RSF1: variants seen among roughly 807,000 people sequenced by gnomAD.
The protein encoded by RSF1 is HBV pX-associated protein 8.
Under a neutral mutation model 145.2 loss-of-function variants are expected in RSF1, and 13 were observed. The ratio of observed to expected loss-of-function variants is 0.09; its 90% CI spans 0.06 to 0.14. RSF1 has a LOEUF of 0.14. RSF1 is among the 10% of genes least tolerant of loss of function. The pLI, the probability that RSF1 is intolerant of heterozygous loss-of-function variation, is 1.00. For missense variants in RSF1, 1,517 were observed against 1,718.2 expected (o/e 0.88, Z 2.07); for synonymous variants, 577 against 592.6 (o/e 0.97, Z 0.38).
the RSF1 span, chr11:77,866,496 T>C: frequency 6.6e-6 from 1 of 152,206 alleles, no homozygotes; most frequent in Non-Finnish European, 1.5e-5. Flanking sequence ...TTATCTTTCA[T>C]TGCTTTGTAC....
chr11:77,708,856 A>G (rs944888990), intron 5 of RSF1, among the ~76,000 whole-genome samples: 1 of 152,190 alleles, frequency 6.6e-6, no homozygotes, highest in South Asian at 2.1e-4. Context: ...TTTTTCTATG[A>G]AACAGACCAG....
the RSF1 span, among the ~76,000 whole-genome samples, chr11:77,845,322 T>C: frequency 3.3e-5 from 5 of 152,212 alleles, no homozygotes; most frequent in African/African-American, 1.2e-4. Flanking sequence ...CTGGATAATC[T>C]CAATTGACCT....
Position 77,701,854 on chromosome 11 carries a change from G to C in RSF1, c.1375C>G (p.Pro459Ala). The change falls in exon 6 of 16, where the codon CCA becomes GCA. Residue 459 changes from proline to alanine, a missense_variant. Pro to Ala is a conservative substitution (Grantham distance 27, BLOSUM62 -1). Coordinates refer to ENST00000308488, the MANE Select transcript of RSF1 (RefSeq NM_016578.4). ...GTCTCATAAAACTTTGTCTCTATTG[G>C]TTCTGTCTTAAAATTTGGAGCTACC... is the stretch of plus-strand genomic sequence containing the variant. Reference protein sequence around the residue: ...ERVAPNFKTEPIETKFYETKE... With the variant: ...ERVAPNFKTEAIETKFYETKE... 1 of 1,613,986 alleles carries C rather than the reference G, an allele frequency of 6.2e-7. No homozygotes were observed. Among genetic ancestry groups the C allele is most frequent in the East Asian group, 2.2e-5 (1 of 44,860 alleles).
intron 5 of RSF1, among the ~76,000 whole-genome samples, chr11:77,720,488 G>A (rs756327770): frequency 2.6e-5 from 4 of 152,030 alleles, no homozygotes; most frequent in Non-Finnish European, 5.9e-5. Flanking sequence ...CCTAAATTAA[G>A]ACAATGGATC....
In RSF1 at chr11:77,665,307, T is replaced by C. The variant is rs1042278827; in HGVS notation, c.*1610A>G. 1 of 152,290 alleles carries C rather than the reference T, an allele frequency of 6.6e-6. No homozygotes were observed. Among genetic ancestry groups the C allele is most frequent in the Non-Finnish European group, 1.5e-5 (1 of 68,040 alleles). The allele number at this position is 152,290 out of a possible 1,614,324, so 9.4% of individuals were successfully genotyped here. A position where few individuals can be genotyped will look rare whatever the true frequency, so the allele number is the denominator to read the frequency against. On this transcript the variant is annotated 3_prime_UTR_variant, in exon 16 of 16. Coordinates refer to ENST00000308488, the MANE Select transcript of RSF1 (RefSeq NM_016578.4). ...ACGTTCCTTGGGCCAGCAGCAGATA[T>C]GGTGTGTCCATTGCCGGCAACAGAC...
In RSF1 at chr11:77,712,746, C is replaced by T. The variant is rs1329402473; in HGVS notation, c.734-10251G>A. On this transcript the variant is annotated intron_variant, in intron 5 of 15. Transcript: ENST00000308488. ...GTTCACTTGCAGGGAAAAGCTGCCC[C>T]TTCACCTTTATTTATTTATTCAAAT... Among the ~76,000 whole-genome samples the T allele has an allele frequency of 7.9e-5, 12 of 152,284 alleles. 1 individual carries two copies. The East Asian group carries it at 2.3e-3, about 29-fold the overall frequency.
intron 4 of RSF1, chr11:77,734,852 G>A: frequency 2.5e-6 from 4 of 1,585,374 alleles, no homozygotes; most frequent in Non-Finnish European, 2.6e-6. Flanking sequence ...TCATGAGATT[G>A]GTGAAGAAAG....
chr11:77,750,299 C>G (rs1044037400), intron 2 of RSF1, among the ~76,000 whole-genome samples: 4 of 152,168 alleles, frequency 2.6e-5, no homozygotes, highest in Admixed American at 1.3e-4. Flanking sequence ...ATAATTTAGG[C>G]ACTATAGGCC....
intron 1 of RSF1, among the ~76,000 whole-genome samples, chr11:77,817,945 C>G (rs1210835424): frequency 1.3e-5 from 2 of 152,184 alleles, no homozygotes; most frequent in Non-Finnish European, 2.9e-5. Flanking sequence ...CATGGTTCAT[C>G]ATCAAAGTTC....
At chr11:77,691,101 G>T in intron 9 of RSF1, 58 bp downstream of exon 9, 1 of 1,470,960 alleles carries the variant, frequency 6.8e-7, no homozygotes. Flanking sequence ...TATCCATACA[G>T]TGAGACAATT....
chr11:77,808,295 G>T (rs930525299), intron 1 of RSF1, among the ~76,000 whole-genome samples: 4 of 151,974 alleles, frequency 2.6e-5, no homozygotes, highest in African/African-American at 9.7e-5. Context: ...TCATGCCACT[G>T]CACTGCAGCC....
chr11:77,806,518 A>AG (rs1341543923), intron 1 of RSF1, among the ~76,000 whole-genome samples: 2 of 152,002 alleles, frequency 1.3e-5, no homozygotes, highest in African/African-American at 4.8e-5. Flanking sequence ...CTATAAAAAA[A>AG]GATTTTTTTT....
intron 5 of RSF1, chr11:77,703,249 A>C (rs887317944): frequency 6.6e-6 from 1 of 152,158 alleles, no homozygotes; most frequent in Non-Finnish European, 1.5e-5. Context: ...TTATCTGTCA[A>C]TTCTTCTTTA....
intron 2 of RSF1, among the ~76,000 whole-genome samples, chr11:77,761,211 T>C (rs1230565669): frequency 6.6e-6 from 1 of 152,180 alleles, no homozygotes. Context: ...AGTGCTGGGA[T>C]TACAGGCGTG....
At chr11:77,714,432 C>G (rs1164883670) in intron 5 of RSF1, among the ~76,000 whole-genome samples, 1 of 152,210 alleles carries the variant, frequency 6.6e-6, no homozygotes, top group East Asian at 1.9e-4. Context: ...ACAACAAACT[C>G]AGAGCAAACC....
chr11:77,748,984 G>A (rs1357987086), intron 2 of RSF1, among the ~76,000 whole-genome samples: 2 of 152,174 alleles, frequency 1.3e-5, no homozygotes, highest in African/African-American at 4.8e-5. Context: ...AGCATAAAAA[G>A]AAATGAGGTA....
intron 9 of RSF1, among the ~76,000 whole-genome samples, chr11:77,686,519 G>A (rs922767818): frequency 3.3e-5 from 5 of 150,600 alleles, no homozygotes; most frequent in Non-Finnish European, 7.4e-5. Context: ...GAACTGAACT[G>A]AAATAGTAAT....
chr11:77,840,653 C>T, the RSF1 span, among the ~76,000 whole-genome samples: 1 of 152,290 alleles, frequency 6.6e-6, no homozygotes, highest in South Asian at 2.1e-4. Context: ...AAGTGAAATT[C>T]CCACCTTGGC....
intron 5 of RSF1, among the ~76,000 whole-genome samples, chr11:77,708,654 C>T (rs944836129): frequency 2.0e-5 from 3 of 152,160 alleles, no homozygotes; most frequent in Non-Finnish European, 4.4e-5. Context: ...TGCAAGAGAA[C>T]TAATTATAAA....
Sources: gnomAD v4.1 joint callset for allele counts (sites outside exome capture counted in the v4.1 genomes callset) on GRCh38, gnomAD v4.1.1 for gene constraint, MANE v1.5 for transcripts, NCBI Gene and HGNC (gene_info 2026-07-23, HGNC 2026-07-21) for gene names.